Variants in KIAA2012 observed in about 807,000 individuals in gnomAD.
KIAA2012 encodes the protein KIAA2012, also known as uncharacterized protein KIAA2012.
Under a neutral mutation model 150.6 loss-of-function variants are expected in KIAA2012, and 125 were observed. The observed-to-expected ratio is 0.83, with a 90% CI of 0.72 to 0.96. KIAA2012 has a LOEUF of 0.96. Ranked by LOEUF, KIAA2012 falls within the 40% of genes least tolerant of loss-of-function variation. KIAA2012 has a pLI of 0.00. For missense variants in KIAA2012, 1,219 were observed against 1,354.9 expected (o/e 0.90, Z 1.57); for synonymous variants, 462 against 504.7 (o/e 0.92, Z 1.13).
intron 13 of KIAA2012, among the ~76,000 whole-genome samples, chr2:202,148,041 G>A (rs1359448985): frequency 6.6e-6 from 1 of 152,186 alleles, no homozygotes; most frequent in African/African-American, 2.4e-5. Context: ...GATAAACAGT[G>A]ATTCTGTTGT....
chr2:202,114,513 A>G (rs768615759), intron 11 of KIAA2012: 1 of 167,152 alleles, frequency 6.0e-6, no homozygotes, highest in Non-Finnish European at 1.5e-5. Context: ...GAAAGCAAAT[A>G]TGATTCTGTT....
Position 202,141,745 on chromosome 2 carries a change from G to A in KIAA2012, c.1908+3237G>A, listed in dbSNP as rs144075032. Among the ~76,000 whole-genome samples, 496 of 152,278 alleles carry A rather than the reference G, an allele frequency of 3.3e-3. 1 individual carries two copies. Among genetic ancestry groups the A allele is most frequent in the Admixed American group, 5.0e-3 (77 of 15,290 alleles). On this transcript the variant is annotated intron_variant, in intron 13 of 23. Coordinates refer to ENST00000498697, the MANE Select transcript of KIAA2012 (RefSeq NM_001277372.4). ...AATTAGTTCCCGGGATACTTTCAGAGACAGAGTATTGCTCTTACCTCGGTG... is the reference window on the plus strand; with the variant it reads ...AATTAGTTCCCGGGATACTTTCAGAAACAGAGTATTGCTCTTACCTCGGTG...
chr2:202,076,668 T>A (rs540037510), intron 2 of KIAA2012, among the ~76,000 whole-genome samples: 67 of 152,298 alleles, frequency 4.4e-4, no homozygotes, highest in African/African-American at 1.5e-3. Context: ...ATAAGTGATT[T>A]GCCCAAGGCC....
Position 202,100,575 on chromosome 2 carries a change from C to T in KIAA2012, c.1155+126C>T, listed in dbSNP as rs147181205. ...CTCAAAAGAGAACTGGCCTCTCTAG[C>T]GTCTGAGCTGACCAGGTGGAGCTGA... On this transcript the variant is annotated intron_variant, in intron 7 of 23. Coordinates refer to ENST00000498697, the MANE Select transcript of KIAA2012 (RefSeq NM_001277372.4). 1.2e-3 allele frequency: 1,333 copies of T among 1,092,314 alleles called. 6 individuals are homozygous for T. The highest frequency in any genetic ancestry group is 1.5e-3 in the Non-Finnish European group (1,185 of 793,596). 67.7% of individuals were successfully genotyped at this position (1,092,314 alleles called of 1,614,324 possible).
chr2:202,127,113 GA>G (rs11398139), intron 12 of KIAA2012, among the ~76,000 whole-genome samples: 1 of 149,852 alleles, frequency 6.7e-6, no homozygotes, highest in Non-Finnish European at 1.5e-5. Context: ...GGAGAAGCTG[GA>G]AAAAAAAAAG....
chr2:202,146,577 A>G (rs1345085175), intron 13 of KIAA2012, among the ~76,000 whole-genome samples: 1 of 150,180 alleles, frequency 6.7e-6, no homozygotes, highest in African/African-American at 2.5e-5. Flanking sequence ...GGTTGCAGTA[A>G]GCTGAGATTG....
chr2:202,159,893 A>C (rs1259296336), intron 14 of KIAA2012, among the ~76,000 whole-genome samples: 1 of 152,238 alleles, frequency 6.6e-6, no homozygotes, highest in East Asian at 1.9e-4. Flanking sequence ...TCAACAGTGA[A>C]GCAAGAATTA....
chr2:202,195,452 C>T (rs899548755), intron 21 of KIAA2012, among the ~76,000 whole-genome samples: 3 of 151,262 alleles, frequency 2.0e-5, no homozygotes, highest in African/African-American at 7.3e-5. Context: ...ACCCAGGAGG[C>T]GGAAGTTGCA....
chr2:202,143,068 T>A (rs948045707), intron 13 of KIAA2012, among the ~76,000 whole-genome samples: 2 of 134,122 alleles, frequency 1.5e-5, no homozygotes, highest in Non-Finnish European at 3.1e-5. Context: ...TGACAACCAC[T>A]GGTTTAATTT....
At chr2:202,156,746 G>A (rs1298484908) in intron 14 of KIAA2012, among the ~76,000 whole-genome samples, 6 of 152,130 alleles carry the variant, frequency 3.9e-5, no homozygotes, top group African/African-American at 1.4e-4. Flanking sequence ...TTAGCCGGGT[G>A]TGGTGGTGGG....
intron 14 of KIAA2012, among the ~76,000 whole-genome samples, chr2:202,164,583 C>T (rs1691721137): frequency 6.6e-6 from 1 of 152,116 alleles, no homozygotes; most frequent in East Asian, 1.9e-4. Flanking sequence ...CCTGTCTGAC[C>T]CTTTGGCTCC....
chr2:202,140,847 G>A (rs1003938096), intron 13 of KIAA2012, among the ~76,000 whole-genome samples: 3 of 152,034 alleles, frequency 2.0e-5, no homozygotes, highest in African/African-American at 4.8e-5. Context: ...TAGCAGCACC[G>A]TTCCTTTCCA....
At chr2:202,204,862 T>C (rs1402596585) in intron 23 of KIAA2012, 136 bp from the exon 24 acceptor site, 1 of 152,232 alleles carries the variant, frequency 6.6e-6, no homozygotes, top group African/African-American at 2.4e-5. Context: ...ATTCAATCAA[T>C]TCATTCAATA....
At chr2:202,105,687 G>T in intron 8 of KIAA2012, 74 bp from the exon 9 acceptor site, 1 of 1,505,108 alleles carries the variant, frequency 6.6e-7, no homozygotes, top group Non-Finnish European at 8.9e-7. Context: ...GGAAGGGATA[G>T]GTCCCCAAAA....
chr2:202,190,420 C>T lies in KIAA2012; in HGVS notation c.2738C>T (p.Ser913Leu). 1 of 1,550,400 alleles carries T rather than the reference C, an allele frequency of 6.4e-7. No homozygotes were observed. The highest frequency in any genetic ancestry group is 1.4e-5 in the African/African-American group (1 of 73,134). The change falls in exon 19 of 24, where the codon TCA (serine) becomes TTA (leucine). Residue 913 changes from serine (S) to leucine (L), a missense_variant. Coordinates refer to ENST00000498697, the MANE Select transcript of KIAA2012 (RefSeq NM_001277372.4). ...ESQVSLDGRS[S>L]PSQIATVTGN... ...CAAGTTTCTCTAGATGGAAGATCATCACCCTCTCAGATTGCAACTGTCACT... is the reference window on the plus strand; with the variant it reads ...CAAGTTTCTCTAGATGGAAGATCATTACCCTCTCAGATTGCAACTGTCACT...
At chr2:202,117,837 C>T (rs189533719) in intron 11 of KIAA2012, among the ~76,000 whole-genome samples, 5 of 152,322 alleles carry the variant, frequency 3.3e-5, no homozygotes, top group South Asian at 2.1e-4. Context: ...TGATGTGCAC[C>T]GTGGTTCTTC....
chr2:202,125,093 T>A, intron 11 of KIAA2012, 121 bp from the exon 12 acceptor site: 1 of 777,170 alleles, frequency 1.3e-6, no homozygotes, highest in Non-Finnish European at 2.1e-6. Flanking sequence ...AAAGAAACAG[T>A]TCATTGCAAA....
Position 202,091,566 on chromosome 2 carries a change from A to T in KIAA2012, c.529+637A>T, listed in dbSNP as rs114000347. ...AAACAAAAATGGGAAGTGGTTGGGG[A>T]TTAGAGTTGCCAGATTTAGCACATG... On this transcript the variant is annotated intron_variant, in intron 3 of 23. Transcript: ENST00000498697. Among the ~76,000 whole-genome samples, 524 of 152,262 alleles carry T rather than the reference A, an allele frequency of 3.4e-3. 2 individuals are homozygous for T. Among genetic ancestry groups the T allele is most frequent in the African/African-American group, 0.012 (498 of 41,548 alleles).
intron 2 of KIAA2012, among the ~76,000 whole-genome samples, chr2:202,088,099 G>A (rs972730466): frequency 6.6e-6 from 1 of 151,874 alleles, no homozygotes; most frequent in South Asian, 2.1e-4. Context: ...GGATGCATAT[G>A]GGCTATACTG....
Sources: allele counts gnomAD v4.1 joint callset (sites outside exome capture counted in the v4.1 genomes callset), GRCh38; gene constraint gnomAD v4.1.1; transcripts MANE v1.5; gene names NCBI Gene and HGNC (gene_info 2026-07-23, HGNC 2026-07-21).